Variants in WDR11 observed in about 807,000 individuals in gnomAD.
WDR11 encodes WD repeat-containing protein 11.
In WDR11, 83 loss-of-function variants were observed where a neutral mutation model predicts 151.2. The observed-to-expected ratio is 0.55, with a 90% confidence interval of 0.46 to 0.66. The LOEUF is 0.66. Among genes scored for constraint, WDR11 ranks in the 30% least tolerant of loss-of-function variants. The probability of loss-of-function intolerance (pLI) is 0.00; values close to 1 mark genes in which losing one functional copy is unlikely to be tolerated. For synonymous variants in WDR11, 484 were observed against 533.1 expected, an observed-to-expected ratio of 0.91 and a Z score of 1.27; for missense variants, 1,301 against 1,480.9, an observed-to-expected ratio of 0.88 and a Z score of 1.99.
rs6585669 is a variant in WDR11 at position 120,869,364 on chromosome 10, C to T, written c.1295-1806C>T. The stretch of plus-strand genomic sequence containing the variant: ...TCCTGACCTCGTGATCCGCCCGCCT[C>T]GGCCTCCCAAAGTGCTGGGATTACA... On this transcript the variant is annotated intron_variant, in intron 9 of 28. Coordinates refer to ENST00000263461, the MANE Select transcript of WDR11 (RefSeq NM_018117.12). Among the ~76,000 whole-genome samples, 499 of 152,164 alleles carry T rather than the reference C, an allele frequency of 3.3e-3. 2 individuals are homozygous for T. The highest frequency in any genetic ancestry group is 0.011 in the African/African-American group (467 of 41,514).
rs1847113534 is a variant in WDR11, at chr10:120,883,766, T to G, written c.1740-14T>G. The G allele has an allele frequency of 3.7e-6, 6 of 1,612,396 alleles. No homozygotes were observed. Among genetic ancestry groups the G allele is most frequent in the Non-Finnish European group, 5.1e-6 (6 of 1,178,698 alleles). ...TGCAAAAAGGGGCTTATTTAGTAAT[T>G]TTGTTTATTTTAGGCAGTATTTGGC... On this transcript the variant is annotated splice_polypyrimidine_tract_variant and intron_variant, in intron 13 of 28. Transcript: ENST00000263461.
intron 2 of WDR11, among the ~76,000 whole-genome samples, chr10:120,854,564 A>G (rs1845885997): frequency 6.6e-6 from 1 of 152,188 alleles, no homozygotes; most frequent in Admixed American, 6.5e-5. Flanking sequence ...ACTCTGTTTA[A>G]CTTTTTGAGG....
At position 120,890,753 on chromosome 10, in the gene WDR11, T is replaced by C. The variant is rs780127681; in HGVS notation, c.2381T>C (p.Val794Ala). Residue 794 changes from valine (V) to alanine (A), a missense_variant, in exon 19 of 29, where the codon GTG (valine) becomes GCG (alanine). Around this residue, in one of 3 missense-constraint regions of WDR11, gnomAD observed 589 missense variants for 670.6 expected, o/e 0.88. Transcript: ENST00000263461. ...AGCAGTTTAAGAAGTGGCAGAAATGTGACCTTTCGTATATTGGATGTGGAC... is the reference window on the plus strand; with the variant it reads ...AGCAGTTTAAGAAGTGGCAGAAATGCGACCTTTCGTATATTGGATGTGGAC... Reference protein sequence around the residue: ...MVSSLRSGRNVTFRILDVDWC... With the variant: ...MVSSLRSGRNATFRILDVDWC... 6.2e-7 allele frequency: 1 copy of C among 1,614,208 alleles called. No homozygotes were observed. The highest frequency in any genetic ancestry group is 1.1e-5 in the South Asian group (1 of 91,088).
intron 10 of WDR11, 88 bp from the exon 11 acceptor site, chr10:120,873,751 A>G (rs1846631278): frequency 2.3e-6 from 2 of 854,822 alleles, no homozygotes; most frequent in Non-Finnish European, 4.1e-6. Flanking sequence ...AAATGTGTTA[A>G]GTGATTAAAG....
chr10:120,891,836 C>CT (rs1847438512), intron 19 of WDR11, among the ~76,000 whole-genome samples: 1 of 152,192 alleles, frequency 6.6e-6, no homozygotes, highest in Non-Finnish European at 1.5e-5. Flanking sequence ...CTGCCCACCC[C>CT]TGCCCACTGC....
intron 2 of WDR11, among the ~76,000 whole-genome samples, chr10:120,857,464 T>C (rs1845988027): frequency 6.6e-6 from 1 of 152,202 alleles, no homozygotes; most frequent in African/African-American, 2.4e-5. Context: ...CTATACATAT[T>C]CTATTCATAC....
intron 19 of WDR11, among the ~76,000 whole-genome samples, chr10:120,894,673 T>A (rs1018682258): frequency 6.6e-6 from 1 of 152,240 alleles, no homozygotes; most frequent in Non-Finnish European, 1.5e-5. Context: ...CTTACTGATT[T>A]TCTGCATTCC....
chr10:120,872,879 A>G (rs1846597369), intron 10 of WDR11, among the ~76,000 whole-genome samples: 1 of 152,192 alleles, frequency 6.6e-6, no homozygotes, highest in South Asian at 2.1e-4. Context: ...AGCAAATAAG[A>G]TAATATTGGA....
At chr10:120,861,001 A>C (rs960159745) in intron 4 of WDR11, among the ~76,000 whole-genome samples, 15 of 152,216 alleles carry the variant, frequency 9.9e-5, no homozygotes, top group Non-Finnish European at 1.9e-4. Context: ...GAATTAATAA[A>C]TTCTAGTGTA....
intron 22 of WDR11, 108 bp from the exon 23 acceptor site, chr10:120,902,947 C>G: frequency 4.3e-6 from 5 of 1,160,888 alleles, no homozygotes; most frequent in Non-Finnish European, 6.3e-6. Context: ...ATGCCAGTAT[C>G]CCAGTGGATA....
In WDR11 at chr10:120,858,685, C is replaced by G; in HGVS notation, c.241C>G (p.Pro81Ala). 6.2e-7 allele frequency: 1 copy of G among 1,614,230 alleles called. No individual in the cohort carries two copies. The highest frequency in any genetic ancestry group is 1.1e-5 in the South Asian group (1 of 91,086). The part of the protein sequence containing the change: ...RENYHHNIGS[P>A]YCLRLASADV... ...AAACTATCACCATAACATTGGCTCA[C>G]CATATTGCTTACGGTTAGCTTCTGC... Residue 81 changes from proline to alanine, a missense_variant, in exon 3 of 29, where the codon CCA becomes GCA. Pro to Ala is a conservative substitution (Grantham distance 27). Transcript: ENST00000263461.
At chr10:120,869,517 T>TAATTA (rs1846450680) in intron 9 of WDR11, among the ~76,000 whole-genome samples, 1 of 151,612 alleles carries the variant, frequency 6.6e-6, no homozygotes, top group South Asian at 2.1e-4. Flanking sequence ...GAAAACATTT[T>TAATTA]AATTTAAACT....
chr10:120,896,205 C>T (rs937995145), intron 19 of WDR11, among the ~76,000 whole-genome samples: 1 of 152,058 alleles, frequency 6.6e-6, no homozygotes, highest in Non-Finnish European at 1.5e-5. Context: ...TAAAAGAGCA[C>T]GTATAGCCTG....
intron 19 of WDR11, among the ~76,000 whole-genome samples, chr10:120,892,449 T>A (rs1847458639): frequency 1.3e-5 from 2 of 152,182 alleles, no homozygotes; most frequent in Non-Finnish European, 1.5e-5. Context: ...TGTTAAAGAA[T>A]GAAAACTATG....
chr10:120,866,043 C>A (rs1564944002), intron 7 of WDR11, among the ~76,000 whole-genome samples: 1 of 151,318 alleles, frequency 6.6e-6, no homozygotes. Flanking sequence ...CAAGTCCAAC[C>A]TTGTGTGCCT....
intron 9 of WDR11, among the ~76,000 whole-genome samples, chr10:120,869,114 T>G (rs553608411): frequency 6.9e-5 from 10 of 144,722 alleles, no homozygotes; most frequent in East Asian, 6.0e-4. Flanking sequence ...AGGTTTTTTT[T>G]TTTTTTTTTT....
chr10:120,851,798 C>T (rs1339713989), intron 1 of WDR11: 4 of 517,436 alleles, frequency 7.7e-6, no homozygotes, highest in Non-Finnish European at 1.4e-5. Context: ...CTTTTCCTCT[C>T]CTCCAGCTTC....
intron 10 of WDR11, among the ~76,000 whole-genome samples, chr10:120,873,270 A>G (rs1846612845): frequency 6.6e-6 from 1 of 152,208 alleles, no homozygotes; most frequent in East Asian, 1.9e-4. Context: ...GAAAACACAG[A>G]TTTAGTGTGG....
Position 120,903,190 on chromosome 10 carries a change from G to C in WDR11, c.2889G>C (p.Leu963=). The change falls in exon 23 of 29, where the codon CTG becomes CTC. Residue 963 remains leucine (L), a synonymous_variant. Transcript: ENST00000263461. Reference sequence around the variant, plus strand: ...CTCGAGACAAACTGAGCAACCCACTGGATATATGCTATGACGTGCTCTGTG... The same window carrying C: ...CTCGAGACAAACTGAGCAACCCACTCGATATATGCTATGACGTGCTCTGTG... The part of the protein sequence containing the change: ...AAPRDKLSNP[L]DICYDVLCEN... 6.2e-7 allele frequency: 1 copy of C among 1,614,168 alleles called. No individual in the cohort carries two copies. Among genetic ancestry groups the C allele is most frequent in the Non-Finnish European group, 8.5e-7 (1 of 1,180,042 alleles).
Sources: allele counts gnomAD v4.1 joint callset (sites outside exome capture counted in the v4.1 genomes callset), GRCh38; gene constraint gnomAD v4.1.1; regional missense constraint gnomAD v4.1.1; transcripts MANE v1.5; gene names NCBI Gene and HGNC (gene_info 2026-07-23, HGNC 2026-07-21).